Variants in FAM20C observed in about 807,000 individuals in gnomAD.
FAM20C encodes FAM20C golgi associated secretory pathway kinase.
A neutral mutation model predicts 51.5 loss-of-function variants in FAM20C; 40 were observed. The observed-to-expected ratio is 0.78, with a 90% CI of 0.60 to 1.01. The LOEUF is 1.01. Ranked by LOEUF, FAM20C falls within the 50% of genes least tolerant of loss-of-function variation. The probability of loss-of-function intolerance (pLI) is 0.00; values close to 1 mark genes in which losing one functional copy is unlikely to be tolerated. For missense variants in FAM20C, 861 were observed against 844.7 expected (o/e 1.02, Z -0.24); for synonymous variants, 406 against 380.6 (o/e 1.07, Z -0.78).
At position 206,991 on chromosome 7, in the gene FAM20C, G is replaced by C. The variant is rs111761075; in HGVS notation, c.785-1907G>C. Reference sequence around the variant, plus strand: ...GGCCCCGCACACGTATCCACTGTGAGGCGTCGGTCACTGTCCCCTCGGCCC... The same window carrying C: ...GGCCCCGCACACGTATCCACTGTGACGCGTCGGTCACTGTCCCCTCGGCCC... On this transcript the variant is annotated intron_variant, in intron 2 of 9. Transcript: ENST00000313766. Among the ~76,000 whole-genome samples the C allele has an allele frequency of 2.8e-3, 93 of 33,462 alleles. No homozygotes were observed. The East Asian group carries it at 0.041, about 15-fold the overall frequency. The allele number at this position is 33,462 out of a possible 152,430, so 22.0% of individuals were successfully genotyped here.
chr7:228,823 C>T, intron 3 of FAM20C: 1 of 456,224 alleles, frequency 2.2e-6, no homozygotes, highest in Non-Finnish European at 4.4e-6. Context: ...GGGCAGCCTC[C>T]TCAACGTGTT....
At position 259,948 on chromosome 7, in the gene FAM20C, G is replaced by T; in HGVS notation, c.1723G>T (p.Asp575Tyr). The T allele has an allele frequency of 6.5e-7, 1 of 1,527,350 alleles. No individual in the cohort carries two copies. Among genetic ancestry groups the T allele is most frequent in the South Asian group, 1.2e-5 (1 of 83,780 alleles). The allele number at this position is 1,527,350 out of a possible 1,614,324, so 94.6% of individuals were successfully genotyped here. Residue 575 changes from aspartate (D) to tyrosine (Y), a missense_variant, in exon 10 of 10, where the codon GAC becomes TAC. This residue lies in a region of FAM20C where 269 missense variants were observed against 283.8 expected (regional missense o/e 0.95). Coordinates refer to ENST00000313766, the MANE Select transcript of FAM20C (RefSeq NM_020223.4). ...CCACAGCGTGGTGGATGACGACCTG[G>T]ACACTGAGCACAGAGCCGCCTCGGC... ...GLHSVVDDDL[D>Y]TEHRAASAR is the part of the protein sequence containing the mutation.
chr7:243,935 A>ATTATTATTATTATT (rs1562390928), intron 3 of FAM20C, among the ~76,000 whole-genome samples: 4 of 118,244 alleles, frequency 3.4e-5, no homozygotes, highest in African/African-American at 1.2e-4. Context: ...TAATAATAAT[A>ATTATTATTATTATT]ATAATAATAA....
chr7:209,027 G>C, intron 3 of FAM20C, 51 bp downstream of exon 3: 1 of 1,539,072 alleles, frequency 6.5e-7, no homozygotes, highest in Non-Finnish European at 8.8e-7. Flanking sequence ...AGCTGCAGGC[G>C]AGCAGGCGCC....
intron 3 of FAM20C, among the ~76,000 whole-genome samples, chr7:210,348 G>T (rs1427741302): frequency 1.3e-5 from 2 of 152,158 alleles, no homozygotes; most frequent in Non-Finnish European, 2.9e-5. Flanking sequence ...AGATGGCGTC[G>T]CCCGGAGACC....
Position 255,931 on chromosome 7 carries a change from G to C in FAM20C, c.1155G>C (p.Glu385Asp). The C allele has an allele frequency of 6.5e-7, 1 of 1,536,358 alleles. No individual in the cohort carries two copies. Among genetic ancestry groups the C allele is most frequent in the Non-Finnish European group, 8.7e-7 (1 of 1,146,848 alleles). ...TGTGCGGGAAGCCAGACCAGATCGA[G>C]GGCTCGCTGGCGGCCTTCCTGCCCG... Reference protein sequence around the residue: ...HALCGKPDQIEGSLAAFLPDL... With the variant: ...HALCGKPDQIDGSLAAFLPDL... The change falls in exon 6 of 10, where the codon GAG (glutamate) becomes GAC (aspartate). Residue 385 changes from glutamate to aspartate, a missense_variant. By Grantham distance (45) the Glu-to-Asp change is conservative. Transcript: ENST00000313766.
At chr7:258,918 C>G (rs535307218) in intron 9 of FAM20C, among the ~76,000 whole-genome samples, 2 of 152,198 alleles carry the variant, frequency 1.3e-5, no homozygotes, top group African/African-American at 2.4e-5. Flanking sequence ...CCATCCAGCT[C>G]GAGCCCCCTC....
intron 3 of FAM20C, among the ~76,000 whole-genome samples, chr7:224,062 A>ACAACCTGGGTTTCACTGAG: frequency 7.3e-6 from 1 of 136,398 alleles, no homozygotes; most frequent in South Asian, 2.4e-4. Context: ...ATTGCGCAGA[A>ACAACCTGGGTTTCACTGAG]TGGCACCGTC....
intron 3 of FAM20C, among the ~76,000 whole-genome samples, chr7:210,474 G>T (rs903089857): frequency 6.6e-6 from 1 of 152,270 alleles, no homozygotes; most frequent in African/African-American, 2.4e-5. Context: ...TTCCCCTGGT[G>T]CTGCGTGGAC....
chr7:220,656 G>A (rs1340202390), intron 3 of FAM20C, among the ~76,000 whole-genome samples: 1 of 152,182 alleles, frequency 6.6e-6, no homozygotes, highest in Non-Finnish European at 1.5e-5. Context: ...GCAGGGGGCG[G>A]TCTGGAGAGG....
At chr7:242,709 G>A (rs1296175289) in intron 3 of FAM20C, among the ~76,000 whole-genome samples, 1 of 152,190 alleles carries the variant, frequency 6.6e-6, no homozygotes, top group East Asian at 1.9e-4. Flanking sequence ...GTTTCTGGAG[G>A]CTCTGGTCAC....
chr7:215,049 C>G (rs963473603), intron 3 of FAM20C, among the ~76,000 whole-genome samples: 10 of 152,024 alleles, frequency 6.6e-5, no homozygotes, highest in Admixed American at 4.6e-4. Flanking sequence ...CACTCCTCGT[C>G]ACTACACTCT....
chr7:256,377 T>G lies in FAM20C; in HGVS notation c.1254-277T>G, dbSNP rs74200166. On this transcript the variant is annotated intron_variant, in intron 6 of 9. Transcript: ENST00000313766. ...GCCCCACGTTGTCCTCGTGAGTGTG[T>G]AGTCCAGGTCCTGTTTCCCCACAGA... 296,835 of 569,842 alleles carry G rather than the reference T, an allele frequency of 0.52. 79,091 individuals are homozygous for G. Among genetic ancestry groups the G allele is most frequent in the African/African-American group, 0.68 (36,061 of 53,288 alleles). 35.3% of individuals were successfully genotyped at this position (569,842 alleles called of 1,614,324 possible).
At chr7:201,035 G>C (rs1015670420) in intron 2 of FAM20C, among the ~76,000 whole-genome samples, 12 of 152,224 alleles carry the variant, frequency 7.9e-5, no homozygotes, top group African/African-American at 2.9e-4. Flanking sequence ...ACACCGAGCA[G>C]ACCTCTCTGG....
intron 2 of FAM20C, among the ~76,000 whole-genome samples, chr7:200,392 G>T (rs1259312093): frequency 6.6e-6 from 1 of 152,220 alleles, no homozygotes; most frequent in Non-Finnish European, 1.5e-5. Context: ...TGCAAAGGAC[G>T]ATTTCAAGTG....
At position 209,777 on chromosome 7, in the gene FAM20C, C is replaced by T. The variant is rs117968412; in HGVS notation, c.863+801C>T. Among the ~76,000 whole-genome samples the T allele has an allele frequency of 1.2e-4, 18 of 152,200 alleles. 1 individual carries two copies. The East Asian group carries it at 3.5e-3, about 29-fold the overall frequency. On this transcript the variant is annotated intron_variant, in intron 3 of 9. Transcript: ENST00000313766. ...AGCCAGAAATATGGATTTTTTTTTC[C>T]TGTTTTAATCTTGGTGGTAACTAAT...
chr7:215,120 G>C (rs934506504), intron 3 of FAM20C, among the ~76,000 whole-genome samples: 2 of 151,946 alleles, frequency 1.3e-5, no homozygotes, highest in Non-Finnish European at 2.9e-5. Flanking sequence ...GGCCCAGGAG[G>C]ACAGGGCGTG....
At chr7:259,225 C>T (rs1788770567) in intron 9 of FAM20C, among the ~76,000 whole-genome samples, 1 of 148,664 alleles carries the variant, frequency 6.7e-6, no homozygotes, top group South Asian at 2.1e-4. Context: ...CCTCCCCATC[C>T]TCCTGGGTGA....
intron 8 of FAM20C, among the ~76,000 whole-genome samples, chr7:257,846 CACT>C (rs1376531970): frequency 4.7e-5 from 6 of 126,828 alleles, no homozygotes; most frequent in Non-Finnish European, 6.9e-5. Flanking sequence ...AGGGTGGACC[CACT>C]GCCTGGGGTG....
Sources: gnomAD v4.1 joint callset for allele counts (sites outside exome capture counted in the v4.1 genomes callset) on GRCh38, gnomAD v4.1.1 for gene constraint, gnomAD v4.1.1 regional missense constraint, MANE v1.5 for transcripts, NCBI Gene and HGNC (gene_info 2026-07-23, HGNC 2026-07-21) for gene names.